The following PTPRM variants were observed in gnomAD, a reference collection of about 807,000 sequenced individuals.
PTPRM encodes the protein receptor-type tyrosine-protein phosphatase mu.
PTPRM carries 47 observed loss-of-function variants against 186.7 expected under a neutral mutation model. The ratio of observed to expected loss-of-function variants is 0.25; its 90% CI spans 0.20 to 0.32. The LOEUF is 0.32. Ranked by LOEUF, PTPRM falls within the 10% of genes least tolerant of loss-of-function variation. The pLI, the probability that PTPRM is intolerant of heterozygous loss-of-function variation, is 1.00. For synonymous variants in PTPRM, 668 were observed against 674.9 expected, an observed-to-expected ratio of 0.99 and a Z score of 0.16; for missense variants, 1,494 against 1,865.0, an observed-to-expected ratio of 0.80 and a Z score of 3.66.
chr18:7,784,158 G>C (rs1199365098), intron 2 of PTPRM, among the ~76,000 whole-genome samples: 1 of 152,114 alleles, frequency 6.6e-6, no homozygotes, highest in African/African-American at 2.4e-5. Context: ...ACTTTCCATA[G>C]TCCAAGAAGT....
intron 2 of PTPRM, among the ~76,000 whole-genome samples, chr18:7,838,957 G>A (rs996602176): frequency 6.6e-6 from 1 of 152,190 alleles, no homozygotes; most frequent in Non-Finnish European, 1.5e-5. Context: ...GCCACCATGG[G>A]CCCACAGGGA....
Position 8,378,318 on chromosome 18 carries a change from C to T in PTPRM, c.3516C>T (p.Asp1172=), listed in dbSNP as rs751811855. The T allele has an allele frequency of 2.5e-6, 4 of 1,612,858 alleles. No individual in the cohort carries two copies. The highest frequency in any genetic ancestry group is 3.4e-6 in the Non-Finnish European group (4 of 1,178,828). Residue 1172 remains aspartate (D), a synonymous_variant, in exon 27 of 33, where the codon GAC becomes GAT. Transcript: ENST00000580170. ...DAILEACLCG[D]TSVPASQVRS... is the part of the protein sequence containing the mutation. ...TCCTGGAAGCCTGTCTTTGTGGGGA[C>T]ACCTCTGTGCCTGCTTCCCAAGTTA... is the stretch of plus-strand genomic sequence containing the variant.
chr18:7,747,951 C>T (rs999793215), intron 1 of PTPRM, among the ~76,000 whole-genome samples: 3 of 152,154 alleles, frequency 2.0e-5, no homozygotes, highest in African/African-American at 7.2e-5. Flanking sequence ...AGGATTATCT[C>T]TGTGGAGGTG....
At chr18:8,079,722 A>G (rs932372040) in intron 9 of PTPRM, among the ~76,000 whole-genome samples, 1 of 152,142 alleles carries the variant, frequency 6.6e-6, no homozygotes, top group East Asian at 1.9e-4. Context: ...TTTTTGTTAT[A>G]TATTTTTCTA....
rs148715923 is a variant in PTPRM, at chr18:8,032,054, A to G, written c.1133-37632A>G. ...AAAAAAGGGGACAAAATTATTAGTC[A>G]TCGTTGTTCATAGTATTCTCTTCCT... On this transcript the variant is annotated intron_variant, in intron 7 of 32. Coordinates refer to ENST00000580170, the MANE Select transcript of PTPRM (RefSeq NM_001105244.2). 1.5e-3 allele frequency among the ~76,000 whole-genome samples: 225 copies of G among 152,354 alleles called. 3 individuals carry two copies. The East Asian group carries it at 0.034, about 23-fold the overall frequency.
chr18:8,351,894 G>A (rs2095536283), intron 23 of PTPRM, among the ~76,000 whole-genome samples: 1 of 152,174 alleles, frequency 6.6e-6, no homozygotes. Flanking sequence ...GCTCCTCCAG[G>A]AAAGATGGTT....
intron 7 of PTPRM, among the ~76,000 whole-genome samples, chr18:8,026,821 G>A (rs776381583): frequency 6.6e-6 from 1 of 151,682 alleles, no homozygotes; most frequent in Non-Finnish European, 1.5e-5. Flanking sequence ...TTGTGCCACG[G>A]CACTCCAGCC....
At chr18:7,588,365 A>G (rs1598467941) in intron 1 of PTPRM, among the ~76,000 whole-genome samples, 2 of 152,308 alleles carry the variant, frequency 1.3e-5, no homozygotes, top group East Asian at 3.9e-4. Flanking sequence ...CAGCTAGCAT[A>G]TTTTTGTTAA....
intron 1 of PTPRM, among the ~76,000 whole-genome samples, chr18:7,650,859 C>A (rs1272355112): frequency 6.6e-6 from 1 of 151,084 alleles, no homozygotes; most frequent in Non-Finnish European, 1.5e-5. Flanking sequence ...CTACAAAAAC[C>A]AACTCTAAAT....
chr18:8,333,581 G>A (rs543908728), intron 22 of PTPRM, among the ~76,000 whole-genome samples: 48 of 152,296 alleles, frequency 3.2e-4, no homozygotes, highest in African/African-American at 5.8e-4. Context: ...AACTGACTTC[G>A]TAACCCTTAT....
chr18:8,166,659 A>T (rs2093328380), intron 14 of PTPRM, among the ~76,000 whole-genome samples: 1 of 152,182 alleles, frequency 6.6e-6, no homozygotes, highest in Non-Finnish European at 1.5e-5. Context: ...GCCTCTTACT[A>T]AGCCCTGCTG....
At chr18:8,393,501 C>T (rs1010093219) in intron 31 of PTPRM, among the ~76,000 whole-genome samples, 1 of 152,240 alleles carries the variant, frequency 6.6e-6, no homozygotes, top group Non-Finnish European at 1.5e-5. Context: ...AGGACAACTA[C>T]ATGCACGACT....
intron 2 of PTPRM, among the ~76,000 whole-genome samples, chr18:7,779,979 A>G (rs2042777291): frequency 6.6e-6 from 1 of 152,216 alleles, no homozygotes; most frequent in African/African-American, 2.4e-5. Context: ...TCCCACATTT[A>G]TTAATGACTT....
intron 1 of PTPRM, among the ~76,000 whole-genome samples, chr18:7,596,098 A>T (rs995708958): frequency 4.6e-5 from 7 of 152,120 alleles, no homozygotes; most frequent in African/African-American, 1.7e-4. Flanking sequence ...CCCACAATCA[A>T]CCCCAGTCTG....
chr18:7,932,579 A>T (rs977922929), intron 5 of PTPRM, among the ~76,000 whole-genome samples: 1 of 152,152 alleles, frequency 6.6e-6, no homozygotes, highest in Non-Finnish European at 1.5e-5. Flanking sequence ...TTACAAATGC[A>T]TGAATTTTTT....
intron 7 of PTPRM, among the ~76,000 whole-genome samples, chr18:7,960,783 CACACA>C (rs1055023437): frequency 2.7e-5 from 4 of 150,214 alleles, no homozygotes; most frequent in African/African-American, 7.3e-5. Flanking sequence ...CACATACCTA[CACACA>C]ACACATGTGT....
At chr18:8,033,040 G>A (rs897546139) in intron 7 of PTPRM, among the ~76,000 whole-genome samples, 4 of 151,972 alleles carry the variant, frequency 2.6e-5, no homozygotes, top group African/African-American at 9.7e-5. Flanking sequence ...ATAAAAGATT[G>A]ATGAATTTGA....
chr18:8,361,039 G>A (rs2095594478), intron 23 of PTPRM: 1 of 152,176 alleles, frequency 6.6e-6, no homozygotes, highest in South Asian at 2.1e-4. Context: ...CATATATCAT[G>A]TCACTCCATC....
intron 22 of PTPRM, among the ~76,000 whole-genome samples, chr18:8,334,618 A>G (rs1013699516): frequency 2.0e-5 from 3 of 152,276 alleles, no homozygotes; most frequent in Admixed American, 6.5e-5. Context: ...TGTTCTTGCC[A>G]TAATAATTGT....
Sources: gnomAD v4.1 joint callset for allele counts (sites outside exome capture counted in the v4.1 genomes callset) on GRCh38, gnomAD v4.1.1 for gene constraint, MANE v1.5 for transcripts, NCBI Gene and HGNC (gene_info 2026-07-23, HGNC 2026-07-21) for gene names.